The following TMEM132D variants were observed in gnomAD, a reference collection of about 807,000 sequenced individuals.
The protein encoded by TMEM132D is mature OL transmembrane protein.
A neutral mutation model predicts 62.3 loss-of-function variants in TMEM132D; 21 were observed. The observed-to-expected ratio is 0.34, with a 90% confidence interval of 0.24 to 0.49. The LOEUF is 0.49. Ranked by LOEUF, TMEM132D falls within the 20% of genes least tolerant of loss-of-function variation. The pLI, the probability that TMEM132D is intolerant of heterozygous loss-of-function variation, is 0.99. For synonymous variants in TMEM132D, 621 were observed against 575.6 expected (o/e 1.08, Z -1.13); for missense variants, 1,346 against 1,402.8 (o/e 0.96, Z 0.65).
chr12:129,701,084 C>G (rs554088172), intron 1 of TMEM132D, among the ~76,000 whole-genome samples: 2 of 152,156 alleles, frequency 1.3e-5, no homozygotes, highest in Non-Finnish European at 2.9e-5. Context: ...CTACCATCGA[C>G]AGAGAGGCAC....
intron 5 of TMEM132D, chr12:129,111,096 G>C (rs906291855): frequency 6.6e-6 from 1 of 152,296 alleles, no homozygotes; most frequent in Admixed American, 6.5e-5. Flanking sequence ...CTCGGAGGGA[G>C]ACCTTCAGGA....
chr12:129,875,152 C>A (rs1006524757), intron 1 of TMEM132D, among the ~76,000 whole-genome samples: 1 of 152,246 alleles, frequency 6.6e-6, no homozygotes, highest in Non-Finnish European at 1.5e-5. Flanking sequence ...GCAGTAGTGA[C>A]AGAGACCGCA....
chr12:129,491,844 C>T (rs1055541262), intron 3 of TMEM132D, among the ~76,000 whole-genome samples: 1 of 151,838 alleles, frequency 6.6e-6, no homozygotes, highest in East Asian at 1.9e-4. Flanking sequence ...TGGGAGACTG[C>T]GGCAGGAGAA....
At chr12:129,365,350 T>C (rs755334583) in intron 3 of TMEM132D, among the ~76,000 whole-genome samples, 1 of 152,194 alleles carries the variant, frequency 6.6e-6, no homozygotes, top group Non-Finnish European at 1.5e-5. Flanking sequence ...TTTCATTCTC[T>C]TAGGTGCCTA....
rs573539145 is a variant in TMEM132D at position 129,240,219 on chromosome 12, T to C, written c.1300-30556A>G. ...TATCCTACAGGGCCCTTTTAACATA[T>C]GTGTGTAATTATTTGCTTTATGTAT... On this transcript the variant is annotated intron_variant, in intron 4 of 8. Coordinates refer to ENST00000422113, the MANE Select transcript of TMEM132D (RefSeq NM_133448.3). Among the ~76,000 whole-genome samples, 18 of 152,328 alleles carry C rather than the reference T, an allele frequency of 1.2e-4. No homozygotes were observed. The South Asian group carries it at 1.9e-3, about 16-fold the overall frequency.
chr12:129,475,147 G>T (rs931693894), intron 3 of TMEM132D, among the ~76,000 whole-genome samples: 1 of 152,216 alleles, frequency 6.6e-6, no homozygotes, highest in Non-Finnish European at 1.5e-5. Context: ...GAGAATAGCT[G>T]TAGGACATCC....
Position 129,703,142 on chromosome 12 carries a change from C to T in TMEM132D, c.80-2444G>A, listed in dbSNP as rs79685216. On this transcript the variant is annotated intron_variant, in intron 1 of 8. Transcript: ENST00000422113. ...GCTAGAAACAGCCAAAGCCAGACAACCAAATTACAGATGCTTAAATGTTAA... is the reference window on the plus strand; with the variant it reads ...GCTAGAAACAGCCAAAGCCAGACAATCAAATTACAGATGCTTAAATGTTAA... Among the ~76,000 whole-genome samples, 1,025 of 152,308 alleles carry T rather than the reference C, an allele frequency of 6.7e-3. 7 individuals carry two copies. Among genetic ancestry groups the T allele is most frequent in the South Asian group, 0.029 (141 of 4,818 alleles).
intron 1 of TMEM132D, among the ~76,000 whole-genome samples, chr12:129,864,538 T>C (rs2137371325): frequency 6.6e-6 from 1 of 152,268 alleles, no homozygotes; most frequent in African/African-American, 2.4e-5. Context: ...CTGCTGAACC[T>C]GAAGTTTGGA....
intron 2 of TMEM132D, among the ~76,000 whole-genome samples, chr12:129,645,232 G>A (rs1232642533): frequency 6.6e-6 from 1 of 152,064 alleles, no homozygotes; most frequent in African/African-American, 2.4e-5. Context: ...CTCTGAAGGA[G>A]GCTTCACCTA....
intron 1 of TMEM132D, among the ~76,000 whole-genome samples, chr12:129,821,446 C>G (rs922911839): frequency 1.3e-5 from 2 of 152,122 alleles, no homozygotes; most frequent in Non-Finnish European, 2.9e-5. Flanking sequence ...GAAAACAGGC[C>G]AATGGAACTA....
intron 2 of TMEM132D, among the ~76,000 whole-genome samples, chr12:129,607,963 T>A (rs538544855): frequency 2.0e-5 from 3 of 152,192 alleles, no homozygotes; most frequent in East Asian, 3.8e-4. Context: ...CCCCAGTGAA[T>A]GTGCTGACTG....
chr12:129,366,827 G>A (rs550882194), intron 3 of TMEM132D, among the ~76,000 whole-genome samples: 137 of 152,276 alleles, frequency 9.0e-4, no homozygotes, highest in African/African-American at 3.1e-3. Context: ...CCTCTTTCTC[G>A]GGGAACCACA....
intron 2 of TMEM132D, among the ~76,000 whole-genome samples, chr12:129,532,798 T>C (rs553570836): frequency 6.6e-6 from 1 of 152,302 alleles, no homozygotes; most frequent in Non-Finnish European, 1.5e-5. Flanking sequence ...ACTCCTGGGC[T>C]CAGGTGAGCT....
chr12:129,723,425 C>T (rs896509), intron 1 of TMEM132D, among the ~76,000 whole-genome samples: 125,769 of 151,676 alleles, frequency 0.83, 52,611 homozygotes, highest in Non-Finnish European at 0.9. Flanking sequence ...TCTATTGATG[C>T]ATCACCCAGG....
intron 3 of TMEM132D, among the ~76,000 whole-genome samples, chr12:129,463,864 C>T (rs1449182027): frequency 4.0e-5 from 6 of 151,212 alleles, no homozygotes; most frequent in Non-Finnish European, 8.8e-5. Context: ...TTTCTTAATC[C>T]AGTCTATCAT....
chr12:129,281,045 G>A (rs929460640), intron 4 of TMEM132D, among the ~76,000 whole-genome samples: 1 of 152,072 alleles, frequency 6.6e-6, no homozygotes, highest in Non-Finnish European at 1.5e-5. Context: ...AAACCCCCAG[G>A]AAATAAGGCC....
chr12:129,543,513 A>AC (rs1876650292), intron 2 of TMEM132D, among the ~76,000 whole-genome samples: 1 of 152,248 alleles, frequency 6.6e-6, no homozygotes, highest in East Asian at 1.9e-4. Flanking sequence ...CACTCTACCT[A>AC]GTGAACATCA....
intron 2 of TMEM132D, among the ~76,000 whole-genome samples, chr12:129,573,449 T>C (rs1353959181): frequency 6.6e-6 from 1 of 152,104 alleles, no homozygotes; most frequent in African/African-American, 2.4e-5. Context: ...TGCATCTCAC[T>C]CAGGGTGACC....
At chr12:129,895,080 G>A (rs2042420389) in intron 1 of TMEM132D, among the ~76,000 whole-genome samples, 1 of 152,106 alleles carries the variant, frequency 6.6e-6, no homozygotes, top group African/African-American at 2.4e-5. Context: ...GGCAGGGCTG[G>A]GGACAGAGTC....
Sources: gnomAD v4.1 joint callset for allele counts (sites outside exome capture counted in the v4.1 genomes callset) on GRCh38, gnomAD v4.1.1 for gene constraint, MANE v1.5 for transcripts, NCBI Gene and HGNC (gene_info 2026-07-23, HGNC 2026-07-21) for gene names.